The following REEP3 variants were observed in gnomAD, a reference collection of about 807,000 sequenced individuals.
REEP3 encodes receptor expression-enhancing protein 3.
In REEP3, 20 loss-of-function variants were observed where a neutral mutation model predicts 41.3. The observed-to-expected ratio is 0.48, with a 90% CI of 0.34 to 0.70. The LOEUF (loss-of-function observed/expected upper bound fraction) is 0.70. Among genes scored for constraint, REEP3 ranks in the 30% least tolerant of loss-of-function variants. The pLI is 0.01. For missense variants in REEP3, 271 were observed against 308.8 expected, an observed-to-expected ratio of 0.88 and a Z score of 0.92; for synonymous variants, 104 against 101.8, an observed-to-expected ratio of 1.02 and a Z score of -0.13.
intron 1 of REEP3, among the ~76,000 whole-genome samples, chr10:63,557,526 A>G (rs1789747154): frequency 6.6e-6 from 1 of 152,156 alleles, no homozygotes; most frequent in Non-Finnish European, 1.5e-5. Context: ...TATTGTTTAA[A>G]TTAATTACCT....
intron 1 of REEP3, among the ~76,000 whole-genome samples, chr10:63,563,504 CG>C (rs1225989712): frequency 1.3e-5 from 2 of 152,094 alleles, no homozygotes; most frequent in Non-Finnish European, 2.9e-5. Context: ...CCTGAAACCA[CG>C]GATAACACCA....
chr10:63,590,798 C>G lies in REEP3; in HGVS notation c.106-3980C>G, dbSNP rs554540685. Among the ~76,000 whole-genome samples, 17 of 152,238 alleles carry G rather than the reference C, an allele frequency of 1.1e-4. No individual in the cohort carries two copies. The East Asian group carries it at 3.3e-3, about 29-fold the overall frequency. ...CTAAACAACAGTTTGTTGATTTTAC[C>G]AATTGTTTCCGAACTGGAAAGAAAT... On this transcript the variant is annotated intron_variant, in intron 2 of 7. Coordinates refer to ENST00000373758, the MANE Select transcript of REEP3 (RefSeq NM_001001330.3).
At chr10:63,525,517 C>T (rs1197236174) in intron 1 of REEP3, among the ~76,000 whole-genome samples, 1 of 151,994 alleles carries the variant, frequency 6.6e-6, no homozygotes, top group African/African-American at 2.4e-5. Flanking sequence ...CTCCCGGGTT[C>T]AAGCAGTTCT....
intron 5 of REEP3, among the ~76,000 whole-genome samples, chr10:63,605,557 T>G (rs748285510): frequency 1.3e-5 from 2 of 152,210 alleles, no homozygotes; most frequent in African/African-American, 2.4e-5. Context: ...ATTTAAAATG[T>G]GAAGAAAATA....
intron 5 of REEP3, among the ~76,000 whole-genome samples, chr10:63,608,962 T>C (rs1331362801): frequency 1.3e-5 from 2 of 152,226 alleles, no homozygotes; most frequent in African/African-American, 4.8e-5. Context: ...GTGTCTGCCA[T>C]ATTGTTAAGG....
intron 1 of REEP3, among the ~76,000 whole-genome samples, chr10:63,564,263 A>G (rs1214521047): frequency 1.3e-5 from 2 of 152,238 alleles, no homozygotes; most frequent in Non-Finnish European, 2.9e-5. Context: ...AAATAGACAA[A>G]GTTATCGTAT....
Position 63,586,886 on chromosome 10 carries a change from C to A in REEP3, c.106-7892C>A, listed in dbSNP as rs547663428. Among the ~76,000 whole-genome samples, 241 of 151,376 alleles carry A rather than the reference C, an allele frequency of 1.6e-3. 3 individuals carry two copies. Among genetic ancestry groups the A allele is most frequent in the Middle Eastern group, 3.4e-3 (1 of 290 alleles). On this transcript the variant is annotated intron_variant, in intron 2 of 7. Transcript: ENST00000373758. ...CTTCTGTTTTGTGCCAGGTACTGTA[C>A]AAGGCATTAGATACACTCTTGGCAA...
intron 2 of REEP3, among the ~76,000 whole-genome samples, chr10:63,578,996 T>G (rs1413575143): frequency 6.6e-6 from 1 of 151,110 alleles, no homozygotes; most frequent in Non-Finnish European, 1.5e-5. Context: ...ACTGGTACTG[T>G]TATAATCATC....
Position 63,623,366 on chromosome 10 carries a change from G to C in REEP3, c.*2497G>C, listed in dbSNP as rs1395739812. On this transcript the variant is annotated 3_prime_UTR_variant, in exon 8 of 8. Transcript: ENST00000373758. ...TTTTTGTTTCTTTTAAGGTAGAACA[G>C]ATCTTTTTTTGTTTCTCCTTTTAAG... The C allele has an allele frequency of 6.6e-6, 1 of 152,102 alleles. No individual in the cohort carries two copies. Among genetic ancestry groups the C allele is most frequent in the Non-Finnish European group, 1.5e-5 (1 of 68,018 alleles). The allele number at this position is 152,102 out of a possible 1,614,324, so 9.4% of individuals were successfully genotyped here.
intron 1 of REEP3, among the ~76,000 whole-genome samples, chr10:63,536,300 C>T (rs1198390176): frequency 6.6e-6 from 1 of 152,172 alleles, no homozygotes; most frequent in Non-Finnish European, 1.5e-5. Flanking sequence ...CTATGTGTTT[C>T]ATCAGATGTG....
At chr10:63,580,293 G>A (rs189384238) in intron 2 of REEP3, among the ~76,000 whole-genome samples, 8 of 152,002 alleles carry the variant, frequency 5.3e-5, no homozygotes, top group Admixed American at 2.6e-4. Flanking sequence ...GTGCCACCAC[G>A]CCCATCTAAT....
At chr10:63,540,525 G>A (rs1000627668) in intron 1 of REEP3, among the ~76,000 whole-genome samples, 15 of 152,148 alleles carry the variant, frequency 9.9e-5, no homozygotes, top group Admixed American at 7.9e-4. Context: ...ATCTGAAAAG[G>A]ATGGGGAAGG....
intron 6 of REEP3, among the ~76,000 whole-genome samples, chr10:63,612,895 A>G (rs573453129): frequency 6.6e-6 from 1 of 152,316 alleles, no homozygotes; most frequent in South Asian, 2.1e-4. Context: ...CTTTATTAGC[A>G]GTTTATTCAT....
At chr10:63,522,004 G>C (rs2067766683) in intron 1 of REEP3, among the ~76,000 whole-genome samples, 2 of 151,916 alleles carry the variant, frequency 1.3e-5, no homozygotes, top group Non-Finnish European at 2.9e-5. Flanking sequence ...CGCAGACGCC[G>C]AGCGCGGGAG....
chr10:63,599,745 G>T (rs927663131), intron 5 of REEP3: 15 of 960,910 alleles, frequency 1.6e-5, no homozygotes, highest in Non-Finnish European at 1.9e-5. Flanking sequence ...GCATGAAAAA[G>T]TCTGTTCTTA....
chr10:63,564,875 A>G (rs142849288), intron 1 of REEP3, among the ~76,000 whole-genome samples: 8 of 152,362 alleles, frequency 5.3e-5, no homozygotes, highest in African/African-American at 1.7e-4. Context: ...GTAGAATAGT[A>G]AAACCTCAGA....
chr10:63,565,625 C>T (rs1317584704), intron 1 of REEP3, among the ~76,000 whole-genome samples: 2 of 152,076 alleles, frequency 1.3e-5, no homozygotes, highest in African/African-American at 4.8e-5. Flanking sequence ...AAATTGTGTA[C>T]GTGTATGTTT....
chr10:63,549,962 A>G (rs1458436590), intron 1 of REEP3, among the ~76,000 whole-genome samples: 2 of 152,218 alleles, frequency 1.3e-5, no homozygotes, highest in African/African-American at 2.4e-5. Context: ...ATGCACTCCC[A>G]CAGAGGCTGG....
rs570578973 is a variant in REEP3 at position 63,524,853 on chromosome 10, G to C, written c.32+3276G>C. Among the ~76,000 whole-genome samples the C allele has an allele frequency of 1.5e-3, 235 of 152,072 alleles. 1 individual carries two copies. In the Middle Eastern group the frequency reaches 0.017, roughly 11 times the overall value. On this transcript the variant is annotated intron_variant, in intron 1 of 7. Coordinates refer to ENST00000373758, the MANE Select transcript of REEP3 (RefSeq NM_001001330.3). ...ATAATAAATACCACATGAAACCGTTGTAAAGAAAATTAGCCGGGCGTGATG... is the reference window on the plus strand; with the variant it reads ...ATAATAAATACCACATGAAACCGTTCTAAAGAAAATTAGCCGGGCGTGATG...
Sources: gnomAD v4.1 joint callset for allele counts (sites outside exome capture counted in the v4.1 genomes callset) on GRCh38, gnomAD v4.1.1 for gene constraint, MANE v1.5 for transcripts, NCBI Gene and HGNC (gene_info 2026-07-23, HGNC 2026-07-21) for gene names.